Variants in GON4L observed in about 807,000 individuals in gnomAD.
GON4L encodes GON-4-like protein.
A neutral mutation model predicts 211.8 loss-of-function variants in GON4L; 87 were observed. That is an observed-to-expected ratio of 0.41 (90% CI 0.35 to 0.49). The LOEUF is 0.49. GON4L is among the 20% of genes least tolerant of loss of function. The pLI, the probability that GON4L is intolerant of heterozygous loss-of-function variation, is 0.15. For missense variants in GON4L, 2,155 were observed against 2,659.5 expected (o/e 0.81, Z 4.17); for synonymous variants, 875 against 962.6 (o/e 0.91, Z 1.68).
rs185588660 is a variant in GON4L at position 155,785,473 on chromosome 1, A to T, written c.1748-99T>A. The T allele has an allele frequency of 1.5e-4, 128 of 863,574 alleles. No homozygotes were observed. In the African/African-American group the frequency reaches 1.8e-3, roughly 12 times the overall value. The allele number at this position is 863,574 out of a possible 1,614,324, so 53.5% of individuals were successfully genotyped here. A position where few individuals can be genotyped will look rare whatever the true frequency, so the allele number is the denominator to read the frequency against. On this transcript the variant is annotated intron_variant, in intron 12 of 31. Transcript: ENST00000368331. Reference sequence around the variant, plus strand: ...TGTATAATGTTTTCAACAAGGCATGACAAATTCTTCATATCTATCCTTCTT... The same window carrying T: ...TGTATAATGTTTTCAACAAGGCATGTCAAATTCTTCATATCTATCCTTCTT...
intron 14 of GON4L, among the ~76,000 whole-genome samples, chr1:155,782,463 A>C (rs997238463): frequency 1.1e-4 from 17 of 152,184 alleles, no homozygotes; most frequent in African/African-American, 4.1e-4. Flanking sequence ...GCAATATGTT[A>C]TACCGTATAG....
In GON4L at chr1:155,760,483, A is replaced by T; in HGVS notation, c.5070T>A (p.Ala1690=). The T allele has an allele frequency of 6.2e-7, 1 of 1,613,010 alleles. No homozygotes were observed. Among genetic ancestry groups the T allele is most frequent in the Non-Finnish European group, 8.5e-7 (1 of 1,179,058 alleles). The change falls in exon 24 of 32, where the codon GCT becomes GCA. Residue 1690 remains alanine (A), a synonymous_variant. Coordinates refer to ENST00000368331, the MANE Select transcript of GON4L (RefSeq NM_001282860.2). ...GAGCTTGCTCAGGTAACAGGAAAGCAGCAAAGTCTTTCAACAGCTGAGGCC... is the reference window on the plus strand; with the variant it reads ...GAGCTTGCTCAGGTAACAGGAAAGCTGCAAAGTCTTTCAACAGCTGAGGCC... The part of the protein sequence containing the change: ...QDWPQLLKDF[A]AFLLPEQALA...
chr1:155,762,479 G>A (rs111667027), intron 22 of GON4L, 105 bp from the exon 23 acceptor site: 40,193 of 919,276 alleles, frequency 0.044, 1,088 homozygotes, highest in Middle Eastern at 0.054. Flanking sequence ...ATATTATGGA[G>A]CAATTCAAGG....
intron 11 of GON4L, among the ~76,000 whole-genome samples, chr1:155,797,042 CCA>C (rs1047693630): frequency 2.6e-5 from 4 of 152,058 alleles, no homozygotes; most frequent in African/African-American, 9.7e-5. Context: ...GACTGAACAC[CCA>C]CAGAGTATCT....
At chr1:155,809,289 G>A (rs555433829) in intron 10 of GON4L, among the ~76,000 whole-genome samples, 4 of 152,020 alleles carry the variant, frequency 2.6e-5, no homozygotes, top group Admixed American at 2.0e-4. Context: ...AACCACATCC[G>A]AATTTACTTG....
Position 155,795,042 on chromosome 1 carries a change from A to T in GON4L, c.1747+8T>A, listed in dbSNP as rs1665937048. The T allele has an allele frequency of 6.8e-7, 1 of 1,469,894 alleles. No homozygotes were observed. Among genetic ancestry groups the T allele is most frequent in the Non-Finnish European group, 9.5e-7 (1 of 1,048,214 alleles). The allele number at this position is 1,469,894 out of a possible 1,614,324, so 91.1% of individuals were successfully genotyped here. On this transcript the variant is annotated splice_region_variant and intron_variant, in intron 12 of 31. Coordinates refer to ENST00000368331, the MANE Select transcript of GON4L (RefSeq NM_001282860.2). ...CAAGAGCAGGACTTAGAATAAACAC[A>T]GACTCACTGGTGATTCTCACTGCCC... is the stretch of plus-strand genomic sequence containing the variant.
At chr1:155,778,398 C>T (rs1369822959) in intron 14 of GON4L, among the ~76,000 whole-genome samples, 8 of 152,164 alleles carry the variant, frequency 5.3e-5, no homozygotes, top group Non-Finnish European at 7.4e-5. Flanking sequence ...ACTATAGGCA[C>T]GTGCCACCAC....
At chr1:155,787,856 A>T (rs1401966807) in intron 12 of GON4L, among the ~76,000 whole-genome samples, 1 of 152,134 alleles carries the variant, frequency 6.6e-6, no homozygotes, top group Non-Finnish European at 1.5e-5. Flanking sequence ...AGGCACAAGA[A>T]TCTCTTAAAC....
At chr1:155,841,901 G>A (rs964085107) in intron 2 of GON4L, among the ~76,000 whole-genome samples, 1 of 152,038 alleles carries the variant, frequency 6.6e-6, no homozygotes, top group Non-Finnish European at 1.5e-5. Context: ...GGTGGCGAAC[G>A]CCTGTAATCT....
In GON4L at chr1:155,763,457, C is replaced by G. The variant is rs373768203; in HGVS notation, c.4581G>C (p.Glu1527Asp). 78 of 1,555,920 alleles carry G rather than the reference C, an allele frequency of 5.0e-5. No homozygotes were observed. The highest frequency in any genetic ancestry group is 6.4e-5 in the Non-Finnish European group (73 of 1,149,172). Residue 1527 changes from glutamate to aspartate, a missense_variant, in exon 22 of 32, where the codon GAG (glutamate) becomes GAC (aspartate). By Grantham distance (45) the Glu-to-Asp change is conservative. Around this residue, in one of 6 missense-constraint regions of GON4L, gnomAD observed 35 missense variants for 73.9 expected, o/e 0.47. Coordinates refer to ENST00000368331, the MANE Select transcript of GON4L (RefSeq NM_001282860.2). ...CCATTCCTTCTGCTTCTTCTTCCTC[C>G]TCTTCTTCTGGCTCAGAGTTCTCCT... Reference protein sequence around the residue: ...SQEENSEPEEEEEEEAEGMES... With the variant: ...SQEENSEPEEDEEEEAEGMES...
At chr1:155,796,828 T>TA (rs914115740) in intron 11 of GON4L, among the ~76,000 whole-genome samples, 249 of 145,688 alleles carry the variant, frequency 1.7e-3, no homozygotes, top group African/African-American at 3.6e-3. Context: ...GGAACTGATT[T>TA]AAAAAAAAAA....
intron 2 of GON4L, among the ~76,000 whole-genome samples, chr1:155,838,575 G>T (rs1670513078): frequency 6.6e-6 from 1 of 152,048 alleles, no homozygotes; most frequent in Non-Finnish European, 1.5e-5. Flanking sequence ...AGGAGTTTGA[G>T]ACCAGCCTGG....
At chr1:155,837,638 C>G (rs572579454) in intron 2 of GON4L, among the ~76,000 whole-genome samples, 2 of 152,080 alleles carry the variant, frequency 1.3e-5, no homozygotes, top group African/African-American at 4.8e-5. Context: ...CTCTCCCCCA[C>G]CAGAGAAACA....
In GON4L at chr1:155,752,233, A is replaced by T. The variant is rs1179298337; in HGVS notation, c.6200T>A (p.Val2067Glu). The change falls in exon 30 of 32, where the codon GTG (valine) becomes GAG (glutamate). Residue 2067 changes from valine to glutamate, a missense_variant. Around this residue, in one of 6 missense-constraint regions of GON4L, gnomAD observed 186 missense variants for 308.1 expected, o/e 0.60. Transcript: ENST00000368331. ...SKTRDAGRRHVSGKPDTQERW... is the reference protein window; with the variant it reads ...SKTRDAGRRHESGKPDTQERW... The stretch of plus-strand genomic sequence containing the variant: ...CTCTTGAGTGTCTGGTTTCCCGGAC[A>T]CATGTCTTCTCCCTGCATCTCTGGT... 2 of 1,613,078 alleles carry T rather than the reference A, an allele frequency of 1.2e-6. No homozygotes were observed. The highest frequency in any genetic ancestry group is 2.2e-5 in the South Asian group (2 of 91,048).
downstream of GON4L, among the ~76,000 whole-genome samples, chr1:155,745,492 A>C (rs1660223531): frequency 6.6e-6 from 1 of 152,166 alleles, no homozygotes; most frequent in Non-Finnish European, 1.5e-5. Context: ...AAGAGATAAG[A>C]CCTCAAGGGA....
intron 31 of GON4L, 31 bp from the exon 32 acceptor site, chr1:155,750,764 T>TC: frequency 6.5e-7 from 1 of 1,550,164 alleles, no homozygotes; most frequent in Non-Finnish European, 8.7e-7. Flanking sequence ...TATTCACTGG[T>TC]CTTTTTTTTT....
intron 14 of GON4L, among the ~76,000 whole-genome samples, chr1:155,778,358 TCTC>T (rs1422482010): frequency 6.6e-6 from 1 of 152,162 alleles, no homozygotes; most frequent in Non-Finnish European, 1.5e-5. Context: ...TTCAAGCAAT[TCTC>T]CTGCCTCACC....
In GON4L at chr1:155,762,293, T is replaced by C; in HGVS notation, c.4808A>G (p.Lys1603Arg). ...NKRGSRARAS[K>R]DTSKLLLLYD... ...CAGCAACAGCAGCTTGGAGGTGTCCTTGCTGGCCCGAGCCCGACTTCCCCG... is the reference window on the plus strand; with the variant it reads ...CAGCAACAGCAGCTTGGAGGTGTCCCTGCTGGCCCGAGCCCGACTTCCCCG... The change falls in exon 23 of 32, where the codon AAG becomes AGG. Residue 1603 changes from lysine (K) to arginine (R), a missense_variant. Transcript: ENST00000368331. 1 of 1,613,638 alleles carries C rather than the reference T, an allele frequency of 6.2e-7. No homozygotes were observed. The highest frequency in any genetic ancestry group is 8.5e-7 in the Non-Finnish European group (1 of 1,179,734).
At chr1:155,772,926 G>A in intron 18 of GON4L, 140 bp downstream of exon 18, 1 of 1,077,974 alleles carries the variant, frequency 9.3e-7, no homozygotes, top group African/African-American at 1.5e-5. Context: ...AGAGGGCTCT[G>A]CTCATCTATA....
Sources: allele counts gnomAD v4.1 joint callset (sites outside exome capture counted in the v4.1 genomes callset), GRCh38; gene constraint gnomAD v4.1.1; regional missense constraint gnomAD v4.1.1; transcripts MANE v1.5; gene names NCBI Gene and HGNC (gene_info 2026-07-23, HGNC 2026-07-21).